The following EVC2 variants were observed in gnomAD, a reference collection of about 807,000 sequenced individuals.
EVC2 encodes EvC ciliary complex subunit 2, also known as limbin.
EVC2 carries 148 observed loss-of-function variants against 149.3 expected under a neutral mutation model. That is an observed-to-expected ratio of 0.99 (90% confidence interval 0.87 to 1.14). The LOEUF is 1.14. EVC2 is among the 50% of genes most tolerant of loss of function. EVC2 has a pLI of 0.00. For missense variants in EVC2, 1,854 were observed against 1,627.3 expected, an observed-to-expected ratio of 1.14 and a Z score of -2.40; for synonymous variants, 776 against 649.9, an observed-to-expected ratio of 1.19 and a Z score of -2.95.
chr4:5,666,688 A>G (rs989455714), intron 7 of EVC2, among the ~76,000 whole-genome samples: 1 of 152,116 alleles, frequency 6.6e-6, no homozygotes. Flanking sequence ...TATCATAGAG[A>G]GCTTTTTCTT....
At chr4:5,644,212 A>G (rs1366910259) in intron 9 of EVC2, among the ~76,000 whole-genome samples, 1 of 152,194 alleles carries the variant, frequency 6.6e-6, no homozygotes, top group Non-Finnish European at 1.5e-5. Flanking sequence ...AAACTAACAG[A>G]TCTAAGATCT....
chr4:5,693,695 G>A (rs571217822), intron 3 of EVC2, among the ~76,000 whole-genome samples: 3 of 152,278 alleles, frequency 2.0e-5, no homozygotes, highest in African/African-American at 7.2e-5. Flanking sequence ...ACTTAGCAGG[G>A]AGCCCAAAAA....
chr4:5,529,652 G>A, the EVC2 span, among the ~76,000 whole-genome samples: 4 of 152,000 alleles, frequency 2.6e-5, no homozygotes, highest in Non-Finnish European at 5.9e-5. The surrounding 1 kb of genome is among the most constrained non-coding windows in gnomAD (Gnocchi z 4.5). Context: ...GAAATACATT[G>A]GAAGCTTAAT....
At chr4:5,610,030 G>A (rs1422489323) in intron 16 of EVC2, among the ~76,000 whole-genome samples, 6 of 152,160 alleles carry the variant, frequency 3.9e-5, no homozygotes, top group African/African-American at 1.4e-4. Flanking sequence ...AAGACCAGTC[G>A]TGACCCTGGA....
At chr4:5,605,752 G>A (rs1262861384) in intron 16 of EVC2, among the ~76,000 whole-genome samples, 2 of 152,200 alleles carry the variant, frequency 1.3e-5, no homozygotes, top group Non-Finnish European at 2.9e-5. Flanking sequence ...CCAAGCTGAG[G>A]AGACTGGCTT....
chr4:5,562,297 C>A, downstream of EVC2: 1 of 257,248 alleles, frequency 3.9e-6, no homozygotes, highest in Non-Finnish European at 6.2e-6. The surrounding 1 kb of genome is among the most constrained non-coding windows in gnomAD (Gnocchi z 4.3). Flanking sequence ...CGGTAGACCC[C>A]AGGGGCTGAC....
intron 19 of EVC2, among the ~76,000 whole-genome samples, chr4:5,571,222 G>A (rs922075964): frequency 2.7e-5 from 4 of 149,582 alleles, no homozygotes; most frequent in Non-Finnish European, 4.4e-5. Context: ...GGAGGCCGAG[G>A]CAGGGGAATC....
chr4:5,665,382 C>T, intron 8 of EVC2, 133 bp downstream of exon 8: 1 of 1,367,658 alleles, frequency 7.3e-7, no homozygotes, highest in Non-Finnish European at 1.0e-6. Context: ...GGAGGTGGGC[C>T]CTGGGCATGG....
intron 16 of EVC2, among the ~76,000 whole-genome samples, chr4:5,610,750 G>C (rs1714750139): frequency 6.8e-6 from 1 of 147,936 alleles, no homozygotes; most frequent in Non-Finnish European, 1.5e-5. Context: ...CTTGCAGCGT[G>C]TTCTTCTTGG....
intron 7 of EVC2, among the ~76,000 whole-genome samples, chr4:5,671,211 T>C (rs116408790): frequency 0.025 from 3,770 of 152,336 alleles, 64 homozygotes; most frequent in Non-Finnish European, 0.041. Context: ...ATAGAGTAAG[T>C]AGTAGACCCA....
At position 5,570,444 on chromosome 4, in the gene EVC2, C is replaced by A. The variant is rs534266952; in HGVS notation, c.3361-1804G>T. Among the ~76,000 whole-genome samples, 4 of 152,116 alleles carry A rather than the reference C, an allele frequency of 2.6e-5. No homozygotes were observed. The South Asian group carries it at 8.3e-4, about 31-fold the overall frequency. The stretch of plus-strand genomic sequence containing the variant: ...TCAAGTCTTACTAAAATTGGTGACA[C>A]AAAAAGCATTCACATGGGTCAAGAG... On this transcript the variant is annotated intron_variant, in intron 19 of 21. Coordinates refer to ENST00000344408, the MANE Select transcript of EVC2 (RefSeq NM_147127.5).
chr4:5,550,672 G>A (rs550606997), intron 21 of EVC2, among the ~76,000 whole-genome samples: 16 of 152,352 alleles, frequency 1.1e-4, no homozygotes, highest in Middle Eastern at 6.8e-3. Flanking sequence ...AAGTAATGAG[G>A]AGCCCAATGT....
chr4:5,663,185 TCATTCACGC>T lies in EVC2; in HGVS notation c.1058_1066del (p.Gly353_Asn355del). The T allele has an allele frequency of 6.2e-7, 1 of 1,614,198 alleles. No homozygotes were observed. The highest frequency in any genetic ancestry group is 8.5e-7 in the Non-Finnish European group (1 of 1,180,020). ...CATTTGGTCGTTAAGGGAAAGGTCC[TCATTCACGC>T]CATCAGCTGAGGTGAACGGCAAGGG... On this transcript the variant is annotated inframe_deletion, in exon 9 of 22. Transcript: ENST00000344408.
At chr4:5,566,468 T>C (rs1354041126) in intron 20 of EVC2, among the ~76,000 whole-genome samples, 2 of 152,198 alleles carry the variant, frequency 1.3e-5, no homozygotes, top group African/African-American at 2.4e-5. Flanking sequence ...ACTGGCTCTT[T>C]CCTGGATTTT....
intron 3 of EVC2, 139 bp from the exon 4 acceptor site, chr4:5,691,472 A>AT (rs1721116479): frequency 1.4e-6 from 1 of 699,506 alleles, no homozygotes; most frequent in African/African-American, 1.8e-5. Flanking sequence ...TTGAAGTCTT[A>AT]TTTTTTAAAA....
chr4:5,680,270 G>C (rs561094324), intron 7 of EVC2, among the ~76,000 whole-genome samples: 1 of 152,292 alleles, frequency 6.6e-6, no homozygotes, highest in African/African-American at 2.4e-5. Flanking sequence ...CAGCAACATA[G>C]TCTTTTAGTG....
intron 16 of EVC2, among the ~76,000 whole-genome samples, chr4:5,607,776 A>C (rs1274077494): frequency 6.6e-6 from 1 of 152,152 alleles, no homozygotes; most frequent in Non-Finnish European, 1.5e-5. Flanking sequence ...TGATGGAAGA[A>C]CTGGCTGCTT....
At chr4:5,582,945 C>A (rs986297993) in intron 17 of EVC2, among the ~76,000 whole-genome samples, 1 of 152,172 alleles carries the variant, frequency 6.6e-6, no homozygotes, top group South Asian at 2.1e-4. Context: ...TTGTAAGTTT[C>A]CTGAGTCCTC....
chr4:5,635,024 A>C (rs1185186378), intron 10 of EVC2, among the ~76,000 whole-genome samples: 13 of 131,922 alleles, frequency 9.9e-5, no homozygotes, highest in South Asian at 2.4e-4. Context: ...CTGTCAACAA[A>C]TGTGCTTTTT....
Sources: gnomAD v4.1 joint callset for allele counts (sites outside exome capture counted in the v4.1 genomes callset) on GRCh38, gnomAD v4.1.1 for gene constraint, Gnocchi (gnomAD v3.1) non-coding constraint, MANE v1.5 for transcripts, NCBI Gene and HGNC (gene_info 2026-07-23, HGNC 2026-07-21) for gene names.